Variants in TMX2 observed in about 807,000 individuals in gnomAD.
TMX2 encodes the protein thioredoxin related transmembrane protein 2.
Under a neutral mutation model 33.4 loss-of-function variants are expected in TMX2, and 20 were observed. That is an observed-to-expected ratio of 0.60 (90% confidence interval 0.42 to 0.87). The LOEUF (loss-of-function observed/expected upper bound fraction) is 0.87. Ranked by LOEUF, TMX2 falls within the 40% of genes least tolerant of loss-of-function variation. The probability of loss-of-function intolerance (pLI) is 0.00; values close to 1 mark genes in which losing one functional copy is unlikely to be tolerated. For missense variants in TMX2, 340 were observed against 370.7 expected, an observed-to-expected ratio of 0.92 and a Z score of 0.68; for synonymous variants, 166 against 140.7, an observed-to-expected ratio of 1.18 and a Z score of -1.27.
At chr11:57,721,904 G>C (rs1415087991) in intron 1 of TMX2, among the ~76,000 whole-genome samples, 2 of 152,104 alleles carry the variant, frequency 1.3e-5, no homozygotes, top group East Asian at 3.8e-4. Flanking sequence ...GGCCCTCCCT[G>C]GATTGGACTT....
intron 1 of TMX2, among the ~76,000 whole-genome samples, chr11:57,723,428 A>G (rs935954870): frequency 9.9e-5 from 15 of 151,034 alleles, no homozygotes; most frequent in African/African-American, 3.6e-4. Context: ...GGTTGCAGTG[A>G]GCCGGGATTG....
At chr11:57,722,218 T>C (rs1947680895) in intron 1 of TMX2, among the ~76,000 whole-genome samples, 2 of 152,008 alleles carry the variant, frequency 1.3e-5, no homozygotes, top group African/African-American at 2.4e-5. Flanking sequence ...CCCAGGCTGG[T>C]CTCGAACTCC....
intron 1 of TMX2, among the ~76,000 whole-genome samples, chr11:57,716,624 C>G (rs1227791110): frequency 7.2e-6 from 1 of 139,482 alleles, no homozygotes. Context: ...GCTGACCCCC[C>G]CACCTCCCTC....
At chr11:57,715,998 G>A (rs1478488462) in intron 1 of TMX2, among the ~76,000 whole-genome samples, 4 of 152,130 alleles carry the variant, frequency 2.6e-5, no homozygotes, top group Admixed American at 2.6e-4. Context: ...ACACAGACAC[G>A]GCAACCATCC....
At chr11:57,735,669 A>G (rs1948707328) in intron 1 of TMX2, among the ~76,000 whole-genome samples, 2 of 152,246 alleles carry the variant, frequency 1.3e-5, no homozygotes, top group Admixed American at 6.5e-5. Flanking sequence ...TACATATTTA[A>G]TAAGCTATCG....
chr11:57,739,412 A>C, intron 7 of TMX2, 152 bp downstream of exon 7: 1 of 746,534 alleles, frequency 1.3e-6, no homozygotes, highest in South Asian at 1.7e-5. Context: ...TTCATTTAGC[A>C]AATATATATT....
chr11:57,723,686 C>T (rs990130185), intron 1 of TMX2, among the ~76,000 whole-genome samples: 8 of 150,768 alleles, frequency 5.3e-5, no homozygotes, highest in African/African-American at 2.0e-4. Context: ...GCCTGTAATC[C>T]CAGCTACTCG....
chr11:57,729,825 G>A (rs986197834), intron 1 of TMX2, among the ~76,000 whole-genome samples: 4 of 152,102 alleles, frequency 2.6e-5, no homozygotes, highest in African/African-American at 9.7e-5. Flanking sequence ...ATATAAAAGC[G>A]GGTAGGGCGC....
At chr11:57,733,966 C>T (rs775076471) in intron 1 of TMX2, among the ~76,000 whole-genome samples, 2 of 151,678 alleles carry the variant, frequency 1.3e-5, no homozygotes. Context: ...GTCAGTAGAT[C>T]GAGACCATCC....
chr11:57,718,161 T>G (rs1390389759), intron 1 of TMX2: 1 of 1,233,916 alleles, frequency 8.1e-7, no homozygotes, highest in East Asian at 2.3e-5. Flanking sequence ...GACCACATGC[T>G]TGCCATCCAA....
At chr11:57,727,566 T>C (rs1361019784) in intron 1 of TMX2, among the ~76,000 whole-genome samples, 4 of 152,182 alleles carry the variant, frequency 2.6e-5, no homozygotes, top group African/African-American at 9.7e-5. Flanking sequence ...TGGATATCTA[T>C]TGTGACTTAC....
chr11:57,731,125 GTTTTTTTTTTT>G (rs757832822), intron 1 of TMX2, among the ~76,000 whole-genome samples: 1 of 85,820 alleles, frequency 1.2e-5, no homozygotes, highest in African/African-American at 4.3e-5. Context: ...TTTGTTTTTT[GTTTTTTTTTTT>G]TTTTTTTTTT....
rs71061537 is a variant in TMX2 at position 57,733,247 on chromosome 11, ATT to A, written c.190-4337_190-4336del. Among the ~76,000 whole-genome samples the A allele has an allele frequency of 8.1e-3, 606 of 74,878 alleles. 5 individuals are homozygous for A. The highest frequency in any genetic ancestry group is 0.028 in the African/African-American group (475 of 16,676). 49.1% of individuals were successfully genotyped at this position (74,878 alleles called of 152,430 possible). On this transcript the variant is annotated intron_variant, in intron 1 of 7. Transcript: ENST00000278422. The stretch of plus-strand genomic sequence containing the variant: ...GTCCTCGTGTAAGACACAGTGAGGA[ATT>A]TTTTTTTTTTTTTTTTTTTTTTTGA...
chr11:57,721,257 T>C (rs1241510326), intron 1 of TMX2, among the ~76,000 whole-genome samples: 1 of 152,022 alleles, frequency 6.6e-6, no homozygotes, highest in Admixed American at 6.6e-5. Flanking sequence ...GCTGAGATAG[T>C]GCCACCGCAC....
chr11:57,738,241 A>G lies in TMX2; in HGVS notation c.365-113A>G, dbSNP rs984342673. On this transcript the variant is annotated intron_variant, in intron 3 of 7. Transcript: ENST00000278422. ...GGTAGGGAATGTGTTGGTGGTCTAC[A>G]TATATCCACAAGTGTGTATTATTTG... 5 of 834,832 alleles carry G rather than the reference A, an allele frequency of 6.0e-6. No individual in the cohort carries two copies. In the Admixed American group the frequency reaches 8.3e-5, roughly 14 times the overall value. The allele number at this position is 834,832 out of a possible 1,614,324, so 51.7% of individuals were successfully genotyped here. A position where few individuals can be genotyped will look rare whatever the true frequency, so the allele number is the denominator to read the frequency against.
chr11:57,732,740 C>A (rs1948475310), intron 1 of TMX2, among the ~76,000 whole-genome samples: 1 of 152,072 alleles, frequency 6.6e-6, no homozygotes, highest in East Asian at 1.9e-4. Flanking sequence ...TGGAACATAT[C>A]CTTTTGGGTT....
At chr11:57,729,403 C>T (rs958945634) in intron 1 of TMX2, among the ~76,000 whole-genome samples, 5 of 151,596 alleles carry the variant, frequency 3.3e-5, no homozygotes, top group Non-Finnish European at 7.4e-5. Flanking sequence ...TTTTGCAAGT[C>T]GGTGAAGTTG....
At chr11:57,717,731 AG>A (rs1947261659) in intron 1 of TMX2, among the ~76,000 whole-genome samples, 1 of 46,314 alleles carries the variant, frequency 2.2e-5, no homozygotes, top group Non-Finnish European at 3.8e-5. Context: ...GAGAGGGGAG[AG>A]GGGAGAGGGG....
chr11:57,721,417 C>T (rs555998975), intron 1 of TMX2, among the ~76,000 whole-genome samples: 5 of 144,082 alleles, frequency 3.5e-5, no homozygotes, highest in Non-Finnish European at 6.0e-5. Flanking sequence ...GGCTCAGTCT[C>T]GGCTCACCAC....
Sources: gnomAD v4.1 joint callset for allele counts (sites outside exome capture counted in the v4.1 genomes callset) on GRCh38, gnomAD v4.1.1 for gene constraint, MANE v1.5 for transcripts, NCBI Gene and HGNC (gene_info 2026-07-23, HGNC 2026-07-21) for gene names.